SYN2: variants seen among roughly 807,000 people sequenced by gnomAD.
SYN2 encodes the protein synapsin-2.
In SYN2, 19 loss-of-function variants were observed where a neutral mutation model predicts 50.9. The ratio of observed to expected loss-of-function variants is 0.37; its 90% CI spans 0.26 to 0.55. The LOEUF is 0.55. Ranked by LOEUF, SYN2 falls within the 20% of genes least tolerant of loss-of-function variation. SYN2 has a pLI of 0.81. For synonymous variants in SYN2, 255 were observed against 224.9 expected (o/e 1.13, Z -1.20); for missense variants, 587 against 576.4 (o/e 1.02, Z -0.19).
At chr3:12,005,769 TC>T (rs966103130) in intron 1 of SYN2, among the ~76,000 whole-genome samples, 1 of 150,218 alleles carries the variant, frequency 6.7e-6, no homozygotes, top group Non-Finnish European at 1.5e-5. Flanking sequence ...ATTTTTTTTT[TC>T]TTCTAAAGAG....
intron 11 of SYN2, chr3:12,185,013 G>T (rs762518470): frequency 1.0e-6 from 1 of 985,842 alleles, no homozygotes; most frequent in Non-Finnish European, 1.2e-6. Context: ...GTATCCAGGG[G>T]CTTGTGCCTT....
chr3:12,186,686 G>A (rs1302228997), intron 11 of SYN2, among the ~76,000 whole-genome samples: 1 of 152,188 alleles, frequency 6.6e-6, no homozygotes, highest in African/African-American at 2.4e-5. Flanking sequence ...TGGTGGGCCT[G>A]GCAATCAGAC....
chr3:12,148,037 C>G (rs1697192540), intron 4 of SYN2, among the ~76,000 whole-genome samples: 1 of 152,074 alleles, frequency 6.6e-6, no homozygotes, highest in Non-Finnish European at 1.5e-5. Context: ...TGGCGTGAAC[C>G]CGGGAGGCGG....
chr3:12,157,306 C>A, intron 5 of SYN2: 2 of 1,387,812 alleles, frequency 1.4e-6, no homozygotes, highest in East Asian at 4.7e-5. Context: ...CACCTGAAAG[C>A]TACCAGCCCT....
At chr3:12,174,045 G>A (rs994774838) in intron 10 of SYN2, among the ~76,000 whole-genome samples, 1 of 150,976 alleles carries the variant, frequency 6.6e-6, no homozygotes, top group South Asian at 2.1e-4. Context: ...AGGCCCCCCC[G>A]CCCATCGCTT....
intron 1 of SYN2, among the ~76,000 whole-genome samples, chr3:12,027,842 G>T (rs1694294091): frequency 6.6e-6 from 1 of 152,026 alleles, no homozygotes; most frequent in Admixed American, 6.5e-5. Context: ...AAAAAGTTTA[G>T]AGGGAGGACC....
At chr3:12,158,855 G>A (rs372880472) in intron 5 of SYN2, 84 of 1,555,206 alleles carry the variant, frequency 5.4e-5, no homozygotes, top group South Asian at 8.4e-5. Context: ...CTGCAGATCC[G>A]CGACTGAGCC....
Position 12,070,967 on chromosome 3 carries a change from A to C in SYN2, c.377+66039A>C, listed in dbSNP as rs368892327. 8.2e-4 allele frequency: 452 copies of C among 548,230 alleles called. 9 individuals carry two copies. The highest frequency in any genetic ancestry group is 6.4e-3 in the South Asian group (436 of 67,872). The allele number at this position is 548,230 out of a possible 1,614,324, so 34.0% of individuals were successfully genotyped here. A position where few individuals can be genotyped will look rare whatever the true frequency, so the allele number is the denominator to read the frequency against. On this transcript the variant is annotated intron_variant, in intron 1 of 12. Transcript: ENST00000621198. Reference sequence around the variant, plus strand: ...CTGGAGAAGAGCTAGGAGCTGCCTGACAGCCTGGTCATCACCATTGGCAAC... The same window carrying C: ...CTGGAGAAGAGCTAGGAGCTGCCTGCCAGCCTGGTCATCACCATTGGCAAC...
chr3:12,086,993 A>C (rs1226745144), intron 1 of SYN2, among the ~76,000 whole-genome samples: 5 of 152,188 alleles, frequency 3.3e-5, no homozygotes, highest in Non-Finnish European at 5.9e-5. Context: ...CGAACTGATA[A>C]ATGAATTTAG....
At chr3:12,158,688 G>T in intron 5 of SYN2, 1 of 1,609,544 alleles carries the variant, frequency 6.2e-7, no homozygotes, top group Non-Finnish European at 8.5e-7. Context: ...GGACCTCGCG[G>T]ACCTCGGACT....
chr3:12,082,460 A>G (rs1695602389), intron 1 of SYN2, among the ~76,000 whole-genome samples: 2 of 152,246 alleles, frequency 1.3e-5, no homozygotes, highest in African/African-American at 2.4e-5. Flanking sequence ...GATGCCGGCC[A>G]AAGGCCAAAT....
At chr3:12,170,386 AGT>A (rs774114471) in intron 10 of SYN2, among the ~76,000 whole-genome samples, 2 of 152,216 alleles carry the variant, frequency 1.3e-5, no homozygotes, top group Non-Finnish European at 2.9e-5. Context: ...TCTGGGAGAG[AGT>A]GACAAGGCAA....
At chr3:12,020,690 T>C (rs775833983) in intron 1 of SYN2, among the ~76,000 whole-genome samples, 1 of 152,194 alleles carries the variant, frequency 6.6e-6, no homozygotes, top group Non-Finnish European at 1.5e-5. Flanking sequence ...TTTGTTTGAC[T>C]TTAATGATTT....
chr3:12,057,525 A>G (rs531057378), intron 1 of SYN2, among the ~76,000 whole-genome samples: 1 of 152,296 alleles, frequency 6.6e-6, no homozygotes, highest in African/African-American at 2.4e-5. Context: ...AGCCATGAAC[A>G]TTGTATAAAT....
At chr3:12,111,213 G>T (rs992202187) in intron 1 of SYN2, among the ~76,000 whole-genome samples, 1 of 152,134 alleles carries the variant, frequency 6.6e-6, no homozygotes, top group Admixed American at 6.5e-5. Context: ...AAAAAGGAGA[G>T]TTCCCCTGCG....
chr3:12,186,436 C>G (rs542464186), intron 11 of SYN2, among the ~76,000 whole-genome samples: 1 of 152,166 alleles, frequency 6.6e-6, no homozygotes, highest in African/African-American at 2.4e-5. Flanking sequence ...GTGTTTCATG[C>G]TGGGAGGAGG....
chr3:12,176,574 C>T (rs1310985624), intron 10 of SYN2, among the ~76,000 whole-genome samples: 1 of 152,176 alleles, frequency 6.6e-6, no homozygotes, highest in African/African-American at 2.4e-5. Flanking sequence ...GAAAATGAAC[C>T]TCTTCTCCTA....
chr3:12,183,608 T>C, intron 11 of SYN2: 1 of 1,462,076 alleles, frequency 6.8e-7, no homozygotes, highest in Non-Finnish European at 8.9e-7. Context: ...TCTGGTTGTT[T>C]ACCTGTTCCT....
chr3:12,012,964 T>A (rs1693947988), intron 1 of SYN2, among the ~76,000 whole-genome samples: 1 of 152,224 alleles, frequency 6.6e-6, no homozygotes, highest in Non-Finnish European at 1.5e-5. Context: ...CCTTTTCCAC[T>A]GACACTGGCC....
Sources: gnomAD v4.1 joint callset for allele counts (sites outside exome capture counted in the v4.1 genomes callset) on GRCh38, gnomAD v4.1.1 for gene constraint, MANE v1.5 for transcripts, NCBI Gene and HGNC (gene_info 2026-07-23, HGNC 2026-07-21) for gene names.